Variants in GNA15 observed in about 807,000 individuals in gnomAD.
The protein encoded by GNA15 is G protein subunit alpha 15.
A neutral mutation model predicts 40.1 loss-of-function variants in GNA15; 23 were observed. The observed-to-expected ratio is 0.57, with a 90% CI of 0.41 to 0.81. The LOEUF (loss-of-function observed/expected upper bound fraction) is 0.81, where lower values mean the gene tolerates loss of function less well. Ranked by LOEUF, GNA15 falls within the 40% of genes least tolerant of loss-of-function variation. GNA15 has a pLI of 0.00. For synonymous variants in GNA15, 226 were observed against 210.4 expected (o/e 1.07, Z -0.64); for missense variants, 522 against 515.8 (o/e 1.01, Z -0.12).
At chr19:3,138,356 C>T (rs1486747520) in intron 1 of GNA15, among the ~76,000 whole-genome samples, 1 of 49,290 alleles carries the variant, frequency 2.0e-5, no homozygotes, top group Non-Finnish European at 4.0e-5. Flanking sequence ...ATTATGGCCC[C>T]GTTGGCCTAA....
In GNA15 at chr19:3,145,359, A is replaced by ATATATATACATT; in HGVS notation, c.146-3231_146-3230insATATATACATTT. 3.8e-3 allele frequency among the ~76,000 whole-genome samples: 179 copies of ATATATATACATT among 46,964 alleles called. 2 individuals carry two copies. The highest frequency in any genetic ancestry group is 0.016 in the African/African-American group (175 of 10,912). 30.8% of individuals were successfully genotyped at this position (46,964 alleles called of 152,430 possible). ...TAAATATATATATATATATATATATATTTTTTTTTTTTTGTAGAGATGGGG... is the reference window on the plus strand; with the variant it reads ...TAAATATATATATATATATATATATATATATATACATTTTTTTTTTTTTTTGTAGAGATGGGG... On this transcript the variant is annotated intron_variant, in intron 1 of 6. Coordinates refer to ENST00000262958, the MANE Select transcript of GNA15 (RefSeq NM_002068.4).
chr19:3,150,005 G>A (rs1485244712), intron 2 of GNA15, 126 bp from the exon 3 acceptor site: 1 of 749,272 alleles, frequency 1.3e-6, no homozygotes, highest in East Asian at 2.8e-5. Flanking sequence ...GGGAGCTCTG[G>A]GGAAGAAGGA....
At chr19:3,147,237 C>A (rs1914745584) in intron 1 of GNA15, among the ~76,000 whole-genome samples, 1 of 152,148 alleles carries the variant, frequency 6.6e-6, no homozygotes, top group African/African-American at 2.4e-5. Flanking sequence ...AATAATAATA[C>A]ATATTAGTAT....
In GNA15 at chr19:3,151,619, G is replaced by T; in HGVS notation, c.486-88G>T. On this transcript the variant is annotated intron_variant, in intron 3 of 6. Coordinates refer to ENST00000262958, the MANE Select transcript of GNA15 (RefSeq NM_002068.4). This position sits in a 1 kb window ranked among gnomAD's most constrained non-coding sequence, Gnocchi z 5.0. ...CCACCCAGGGAGCTCTCCTCCCCCAGCAGGGTCCTTGCTGGGCCTTTCGTA... is the reference window on the plus strand; with the variant it reads ...CCACCCAGGGAGCTCTCCTCCCCCATCAGGGTCCTTGCTGGGCCTTTCGTA... 1.0e-5 allele frequency: 15 copies of T among 1,431,454 alleles called. No individual in the cohort carries two copies. Among genetic ancestry groups the T allele is most frequent in the Non-Finnish European group, 1.4e-5 (15 of 1,082,058 alleles). The allele number at this position is 1,431,454 out of a possible 1,614,324, so 88.7% of individuals were successfully genotyped here. A position where few individuals can be genotyped will look rare whatever the true frequency, so the allele number is the denominator to read the frequency against.
At position 3,148,791 on chromosome 19, in the gene GNA15, A is replaced by C; in HGVS notation, c.330+16A>C. ...CGAGAGCAAGGTGAGCCGCCAGGGCAGGCAGGGGCCCAGGGCAGGCAGGGG... is the reference window on the plus strand; with the variant it reads ...CGAGAGCAAGGTGAGCCGCCAGGGCCGGCAGGGGCCCAGGGCAGGCAGGGG... On this transcript the variant is annotated intron_variant, in intron 2 of 6. Coordinates refer to ENST00000262958, the MANE Select transcript of GNA15 (RefSeq NM_002068.4). 6.3e-7 allele frequency: 1 copy of C among 1,577,682 alleles called. No individual in the cohort carries two copies. The highest frequency in any genetic ancestry group is 1.7e-4 in the Middle Eastern group (1 of 5,834).
At chr19:3,153,125 G>A (rs188586581) in intron 4 of GNA15, among the ~76,000 whole-genome samples, 47 of 152,194 alleles carry the variant, frequency 3.1e-4, no homozygotes, top group Middle Eastern at 6.8e-3. Context: ...CACTTACTGC[G>A]AAGGTCTGCG....
At chr19:3,147,425 C>T (rs148390524) in intron 1 of GNA15, among the ~76,000 whole-genome samples, 4 of 151,850 alleles carry the variant, frequency 2.6e-5, no homozygotes, top group South Asian at 2.1e-4. Flanking sequence ...TGGTGGCACG[C>T]GCCTGTTACC....
chr19:3,147,714 G>A (rs189922900), intron 1 of GNA15, among the ~76,000 whole-genome samples: 2 of 151,486 alleles, frequency 1.3e-5, no homozygotes, highest in Admixed American at 6.6e-5. Flanking sequence ...GTGAAACCCC[G>A]TCTCTACTAA....
At position 3,148,631 on chromosome 19, in the gene GNA15, G is replaced by GCGGATCATC. The variant is rs993199099; in HGVS notation, c.188_196dup (p.Arg63_Ile65dup). On this transcript the variant is annotated inframe_insertion, in exon 2 of 7. Transcript: ENST00000262958. ...GGAAGAGCACCTTCATCAAGCAGAT[G>GCGGATCATC]CGGATCATCCACGGCGCCGGCTACT... 2 of 1,588,176 alleles carry GCGGATCATC rather than the reference G, an allele frequency of 1.3e-6. No homozygotes were observed. Among genetic ancestry groups the GCGGATCATC allele is most frequent in the Non-Finnish European group, 1.7e-6 (2 of 1,167,008 alleles).
At chr19:3,152,171 C>T (rs886540936) in intron 4 of GNA15, among the ~76,000 whole-genome samples, 4 of 152,130 alleles carry the variant, frequency 2.6e-5, no homozygotes, top group African/African-American at 9.7e-5. Context: ...ACTATACAGT[C>T]AGGACCAGGT....
rs1232361982 is a variant in GNA15 at position 3,155,969 on chromosome 19, C to G, written c.744+17C>G. The stretch of plus-strand genomic sequence containing the variant: ...AACCAGGAGGTGCGCCACCGCCTCC[C>G]TCGCCCTGCCCACTTGTTGGCCCAG... On this transcript the variant is annotated intron_variant, in intron 5 of 6. Transcript: ENST00000262958. The surrounding 1 kb of genome is among the most constrained non-coding windows in gnomAD (Gnocchi z 5.6). The G allele has an allele frequency of 1.2e-6, 2 of 1,611,862 alleles. No homozygotes were observed. Among genetic ancestry groups the G allele is most frequent in the Non-Finnish European group, 1.7e-6 (2 of 1,178,458 alleles).
At chr19:3,138,316 G>A (rs573173679) in intron 1 of GNA15, among the ~76,000 whole-genome samples, 4 of 152,082 alleles carry the variant, frequency 2.6e-5, no homozygotes, top group East Asian at 1.9e-4. Flanking sequence ...TCTCATTCCC[G>A]TAGCTTGTTT....
intron 6 of GNA15, 22 bp from the exon 7 acceptor site, chr19:3,162,771 C>G (rs1445989996): frequency 1.3e-6 from 2 of 1,567,734 alleles, no homozygotes; most frequent in Non-Finnish European, 1.8e-6. Flanking sequence ...GTCCTCACCC[C>G]CTTCCCACAC....
chr19:3,156,070 A>AGCATG, intron 5 of GNA15, 118 bp downstream of exon 5: 1 of 948,900 alleles, frequency 1.1e-6, no homozygotes, highest in Non-Finnish European at 1.6e-6. Context: ...GTGTGTGCCC[A>AGCATG]GCATGGCTAT....
At chr19:3,156,879 C>A (rs571562266) in intron 5 of GNA15, among the ~76,000 whole-genome samples, 1 of 152,242 alleles carries the variant, frequency 6.6e-6, no homozygotes, top group South Asian at 2.1e-4. Context: ...GTTAATTCCT[C>A]GTGTGATGGC....
At chr19:3,154,683 G>A (rs1914969655) in intron 4 of GNA15, among the ~76,000 whole-genome samples, 2 of 150,440 alleles carry the variant, frequency 1.3e-5, no homozygotes, top group South Asian at 4.3e-4. Context: ...GGATAGATGG[G>A]TAGATGGATA....
At chr19:3,138,348 T>C (rs1281345586) in intron 1 of GNA15, among the ~76,000 whole-genome samples, 4 of 104,440 alleles carry the variant, frequency 3.8e-5, no homozygotes, top group Admixed American at 1.1e-4. Flanking sequence ...TTTCCCTGAT[T>C]ATGGCCCCGT....
At chr19:3,148,087 T>A (rs770701762) in intron 1 of GNA15, among the ~76,000 whole-genome samples, 31 of 151,198 alleles carry the variant, frequency 2.1e-4, no homozygotes, top group Admixed American at 2.0e-3. Flanking sequence ...TTTTTTTGTT[T>A]GTTTGTTTTG....
At chr19:3,156,202 A>ACACACACACT (rs57479390) in intron 5 of GNA15, among the ~76,000 whole-genome samples, 333 of 143,326 alleles carry the variant, frequency 2.3e-3, no homozygotes, top group Middle Eastern at 3.8e-3. Context: ...ACACACACAC[A>ACACACACACT]CTACAGTGCA....
Sources: allele counts gnomAD v4.1 joint callset (sites outside exome capture counted in the v4.1 genomes callset), GRCh38; gene constraint gnomAD v4.1.1; non-coding constraint Gnocchi (gnomAD v3.1); transcripts MANE v1.5; gene names NCBI Gene and HGNC (gene_info 2026-07-23, HGNC 2026-07-21).